Variants in CDK17 observed in about 807,000 individuals in gnomAD.
The protein encoded by CDK17 is cyclin-dependent kinase 17.
A neutral mutation model predicts 77.6 loss-of-function variants in CDK17; 24 were observed. The observed-to-expected ratio is 0.31, with a 90% CI of 0.22 to 0.44. The LOEUF (loss-of-function observed/expected upper bound fraction) is 0.44, where lower values mean the gene tolerates loss of function less well. Ranked by LOEUF, CDK17 falls within the 20% of genes least tolerant of loss-of-function variation. CDK17 has a pLI of 1.00. For synonymous variants in CDK17, 203 were observed against 210.4 expected (o/e 0.96, Z 0.30); for missense variants, 429 against 622.5 (o/e 0.69, Z 3.31).
chr12:96,330,663 T>TGCTACA (rs1277313626), intron 2 of CDK17, among the ~76,000 whole-genome samples: 6 of 152,366 alleles, frequency 3.9e-5, no homozygotes, highest in Non-Finnish European at 7.3e-5. Context: ...AGTTCATCTA[T>TGCTACA]GCTACAGCAC....
intron 1 of CDK17, among the ~76,000 whole-genome samples, chr12:96,386,138 T>C (rs1413510925): frequency 6.6e-6 from 1 of 152,204 alleles, no homozygotes; most frequent in Non-Finnish European, 1.5e-5. Flanking sequence ...ACTACAGGCA[T>C]GTGCCACCAC....
chr12:96,280,369 C>T lies in CDK17; in HGVS notation c.1535-90G>A. 2.6e-6 allele frequency: 4 copies of T among 1,516,838 alleles called. No homozygotes were observed. The South Asian group carries it at 3.9e-5, about 15-fold the overall frequency. 94.0% of individuals were successfully genotyped at this position (1,516,838 alleles called of 1,614,324 possible). A position where few individuals can be genotyped will look rare whatever the true frequency, so the allele number is the denominator to read the frequency against. ...GGTGACTAGGAAGCTAATGTTCCCA[C>T]CAGCAAAAGCTAATATTCCATGGTA... On this transcript the variant is annotated intron_variant, in intron 16 of 16. Transcript: ENST00000261211.
intron 5 of CDK17, among the ~76,000 whole-genome samples, chr12:96,307,243 C>T (rs1452800616): frequency 6.6e-6 from 1 of 152,020 alleles, no homozygotes; most frequent in Non-Finnish European, 1.5e-5. Flanking sequence ...TGCGGTGACC[C>T]GAGATCATGC....
At chr12:96,360,969 T>C (rs1322056887) in intron 1 of CDK17, among the ~76,000 whole-genome samples, 1 of 152,154 alleles carries the variant, frequency 6.6e-6, no homozygotes, top group African/African-American at 2.4e-5. Context: ...CAGACATGTA[T>C]CACAGACATA....
At chr12:96,398,343 A>C in intron 1 of CDK17, among the ~76,000 whole-genome samples, 1 of 152,236 alleles carries the variant, frequency 6.6e-6, no homozygotes, top group Non-Finnish European at 1.5e-5. Context: ...AATTGAAATG[A>C]CTTCATTAAC....
intron 5 of CDK17, among the ~76,000 whole-genome samples, chr12:96,300,845 T>TC (rs1952489930): frequency 6.6e-6 from 1 of 152,202 alleles, no homozygotes; most frequent in South Asian, 2.1e-4. Flanking sequence ...GTTGGAACAT[T>TC]CAAAGGTTCA....
intron 9 of CDK17, 42 bp from the exon 10 acceptor site, chr12:96,295,164 C>T (rs781293699): frequency 2.9e-5 from 44 of 1,510,566 alleles, no homozygotes; most frequent in Non-Finnish European, 3.8e-5. Flanking sequence ...AAAGATGAGA[C>T]ATGCTTTAGT....
chr12:96,324,188 C>A (rs988536871), intron 2 of CDK17, 76 bp from the exon 3 acceptor site: 2 of 1,201,428 alleles, frequency 1.7e-6, no homozygotes, highest in Admixed American at 2.9e-5. Flanking sequence ...ATTCAGAAAG[C>A]AAAACAAAAA....
intron 1 of CDK17, among the ~76,000 whole-genome samples, chr12:96,355,609 T>A (rs1031552365): frequency 6.6e-6 from 1 of 152,076 alleles, no homozygotes; most frequent in African/African-American, 2.4e-5. Context: ...GGTTTCACCA[T>A]GTTGGCGAGG....
At chr12:96,365,637 A>C (rs1006318832) in intron 1 of CDK17, among the ~76,000 whole-genome samples, 6 of 152,272 alleles carry the variant, frequency 3.9e-5, no homozygotes, top group Admixed American at 3.9e-4. Context: ...TAGCAATATC[A>C]AATTATATGA....
rs189453703 is a variant in CDK17 at position 96,373,021 on chromosome 12, T to C, written c.-30+26965A>G. On this transcript the variant is annotated intron_variant, in intron 1 of 16. Coordinates refer to ENST00000261211, the MANE Select transcript of CDK17 (RefSeq NM_002595.5). ...CTCTCTTTGCTTCATTATTGCTTACTACCTATTCAGTCTTCTCAAAAGCTT... is the reference window on the plus strand; with the variant it reads ...CTCTCTTTGCTTCATTATTGCTTACCACCTATTCAGTCTTCTCAAAAGCTT... Among the ~76,000 whole-genome samples the C allele has an allele frequency of 1.0e-3, 157 of 152,330 alleles. 1 individual carries two copies. Among genetic ancestry groups the C allele is most frequent in the Non-Finnish European group, 1.9e-3 (126 of 68,024 alleles).
chr12:96,393,774 TTC>T (rs1382841165), intron 1 of CDK17, among the ~76,000 whole-genome samples: 3 of 152,074 alleles, frequency 2.0e-5, no homozygotes, highest in Non-Finnish European at 2.9e-5. Context: ...AATGAAAAGC[TTC>T]TTTTTCCACC....
Position 96,377,855 on chromosome 12 carries a change from A to G in CDK17, c.-30+22131T>C, listed in dbSNP as rs372363109. 1.2e-3 allele frequency among the ~76,000 whole-genome samples: 190 copies of G among 152,056 alleles called. 1 individual carries two copies. The East Asian group carries it at 0.021, about 17-fold the overall frequency. On this transcript the variant is annotated intron_variant, in intron 1 of 16. Transcript: ENST00000261211. ...ACTACAGGCGCCCGCCACTACGCCC[A>G]GCTAATTTTTTGTATTTTTAGTAGA... is the stretch of plus-strand genomic sequence containing the variant.
intron 1 of CDK17, among the ~76,000 whole-genome samples, chr12:96,392,510 AT>A (rs1390721294): frequency 4.6e-5 from 7 of 152,378 alleles, no homozygotes; most frequent in Admixed American, 2.6e-4. Context: ...ACAGGAAAAA[AT>A]AAATTTAAAA....
At chr12:96,293,035 A>C (rs1227236796) in intron 10 of CDK17, among the ~76,000 whole-genome samples, 1 of 152,194 alleles carries the variant, frequency 6.6e-6, no homozygotes, top group Non-Finnish European at 1.5e-5. Context: ...ATATTTACTG[A>C]TATTTGCCAC....
At chr12:96,304,923 G>C (rs1437381739) in intron 5 of CDK17, among the ~76,000 whole-genome samples, 1 of 152,170 alleles carries the variant, frequency 6.6e-6, no homozygotes, top group African/African-American at 2.4e-5. Context: ...AACCAGGAAT[G>C]AAGAATCCAA....
rs544135877 is a variant in CDK17 at position 96,376,590 on chromosome 12, T to C, written c.-30+23396A>G. Among the ~76,000 whole-genome samples the C allele has an allele frequency of 3.3e-5, 5 of 152,356 alleles. No individual in the cohort carries two copies. In the South Asian group the frequency reaches 1.0e-3, roughly 32 times the overall value. The stretch of plus-strand genomic sequence containing the variant: ...GCTCAGTTCAGTGACACTAGTCTCA[T>C]CACAAGCAATGTGGGGAAAATATTA... On this transcript the variant is annotated intron_variant, in intron 1 of 16. Coordinates refer to ENST00000261211, the MANE Select transcript of CDK17 (RefSeq NM_002595.5).
chr12:96,359,405 G>A (rs1953459920), intron 1 of CDK17, among the ~76,000 whole-genome samples: 1 of 152,180 alleles, frequency 6.6e-6, no homozygotes, highest in Non-Finnish European at 1.5e-5. Context: ...AGCACTGACT[G>A]GAGGCTCTGC....
intron 1 of CDK17, 97 bp downstream of exon 1, chr12:96,399,889 A>AGCCCCC (rs1409200356): frequency 3.3e-6 from 1 of 299,492 alleles, no homozygotes; most frequent in Non-Finnish European, 6.1e-6. Flanking sequence ...CGCCCCCAGT[A>AGCCCCC]GCCCCCGCCC....
Sources: allele counts gnomAD v4.1 joint callset (sites outside exome capture counted in the v4.1 genomes callset), GRCh38; gene constraint gnomAD v4.1.1; transcripts MANE v1.5; gene names NCBI Gene and HGNC (gene_info 2026-07-23, HGNC 2026-07-21).